Variants in AFG1L observed in about 807,000 individuals in gnomAD.
AFG1L encodes AFG1 like ATPase, also known as AFG1-like ATPase.
A neutral mutation model predicts 62.2 loss-of-function variants in AFG1L; 53 were observed. The observed-to-expected ratio is 0.85, with a 90% CI of 0.68 to 1.07. The LOEUF (loss-of-function observed/expected upper bound fraction) is 1.07, where lower values mean the gene tolerates loss of function less well. Ranked by LOEUF, AFG1L falls within the 50% of genes least tolerant of loss-of-function variation. The pLI is 0.00. For missense variants in AFG1L, 555 were observed against 590.5 expected, an observed-to-expected ratio of 0.94 and a Z score of 0.62; for synonymous variants, 228 against 210.3, an observed-to-expected ratio of 1.08 and a Z score of -0.73.
intron 7 of AFG1L, among the ~76,000 whole-genome samples, chr6:108,443,667 G>A (rs1242419790): frequency 6.6e-6 from 1 of 152,096 alleles, no homozygotes; most frequent in Non-Finnish European, 1.5e-5. Context: ...TTGAGGCCAG[G>A]AGTTCGAGAC....
At chr6:108,426,806 C>T (rs1770834335) in intron 7 of AFG1L, among the ~76,000 whole-genome samples, 1 of 152,044 alleles carries the variant, frequency 6.6e-6, no homozygotes, top group Non-Finnish European at 1.5e-5. Context: ...AAAACTCCCC[C>T]TTCACCACTC....
rs1294481771 is a variant in AFG1L, at chr6:108,388,773, T to G, written c.749-13223T>G. ...GTTATAATTTCTGTTCTTTTACATT[T>G]GCTGAGGAGAGCTTTACTTCCAACT... On this transcript the variant is annotated intron_variant, in intron 6 of 12. Coordinates refer to ENST00000368977, the MANE Select transcript of AFG1L (RefSeq NM_145315.5). Among the ~76,000 whole-genome samples, 6 of 151,920 alleles carry G rather than the reference T, an allele frequency of 3.9e-5. No individual in the cohort carries two copies. The East Asian group carries it at 9.6e-4, about 24-fold the overall frequency.
At chr6:108,422,470 T>A (rs1582562932) in intron 7 of AFG1L, among the ~76,000 whole-genome samples, 1 of 26,496 alleles carries the variant, frequency 3.8e-5, no homozygotes, top group African/African-American at 4.8e-4. Flanking sequence ...TTAAAATTAG[T>A]CCTCAGCAAA....
At chr6:108,359,847 CTCTTT>C in intron 5 of AFG1L, 1 of 152,240 alleles carries the variant, frequency 6.6e-6, no homozygotes, top group Non-Finnish European at 1.5e-5. Context: ...TCAAGTAAAT[CTCTTT>C]TCTTCAGCTG....
intron 7 of AFG1L, among the ~76,000 whole-genome samples, chr6:108,414,099 G>A (rs1449239025): frequency 5.9e-5 from 9 of 152,084 alleles, no homozygotes; most frequent in East Asian, 1.9e-4. Flanking sequence ...CATCACCACC[G>A]ATCCCACAGA....
chr6:108,512,412 G>A (rs1760823715), intron 11 of AFG1L, among the ~76,000 whole-genome samples: 2 of 152,308 alleles, frequency 1.3e-5, no homozygotes, highest in Middle Eastern at 6.8e-3. Flanking sequence ...AGAAGGCTGA[G>A]GACACAGAGC....
rs1337014099 is a variant in AFG1L at position 108,356,698 on chromosome 6, C to A, written c.526C>A (p.Arg176Ser). 1.9e-6 allele frequency: 3 copies of A among 1,601,354 alleles called. No individual in the cohort carries two copies. Among genetic ancestry groups the A allele is most frequent in the African/African-American group, 2.7e-5 (2 of 74,570 alleles). Reference sequence around the variant, plus strand: ...AATTTCATGCATTTAAGGAATACATCGCCTTAAACAGAGTTTGCCAAAAAG... The same window carrying A: ...AATTTCATGCATTTAAGGAATACATAGCCTTAAACAGAGTTTGCCAAAAAG... ...FMLDVHKRIHRLKQSLPKRKP... is the reference protein window; with the variant it reads ...FMLDVHKRIHSLKQSLPKRKP... The change falls in exon 5 of 13, where the codon CGC becomes AGC. Residue 176 changes from arginine (R) to serine (S), a missense_variant. Coordinates refer to ENST00000368977, the MANE Select transcript of AFG1L (RefSeq NM_145315.5).
intron 2 of AFG1L, among the ~76,000 whole-genome samples, chr6:108,337,111 C>T (rs55768587): frequency 0.028 from 4,300 of 152,278 alleles, 90 homozygotes; most frequent in South Asian, 0.055. Context: ...CCTCCTGCCT[C>T]GGCCTCCTGG....
At chr6:108,312,900 G>C (rs771826003) in intron 1 of AFG1L, among the ~76,000 whole-genome samples, 33 of 151,992 alleles carry the variant, frequency 2.2e-4, no homozygotes, top group Admixed American at 7.9e-4. Flanking sequence ...GCTTCCTAAA[G>C]TGCTGGGATT....
intron 7 of AFG1L, among the ~76,000 whole-genome samples, chr6:108,427,517 A>ATTTTT (rs34500468): frequency 9.0e-5 from 9 of 100,222 alleles, no homozygotes; most frequent in Middle Eastern, 6.0e-3. Context: ...TCAAAATGGA[A>ATTTTT]TTTTTTTTTT....
At chr6:108,482,249 A>T (rs1773351419) in intron 10 of AFG1L, among the ~76,000 whole-genome samples, 1 of 152,220 alleles carries the variant, frequency 6.6e-6, no homozygotes, top group Non-Finnish European at 1.5e-5. Context: ...AAAGTGCAGG[A>T]AAGACTAATG....
At chr6:108,462,873 A>C (rs1156933560) in intron 8 of AFG1L, among the ~76,000 whole-genome samples, 1 of 152,200 alleles carries the variant, frequency 6.6e-6, no homozygotes, top group Non-Finnish European at 1.5e-5. Context: ...TTTTCATTGC[A>C]TTATTTCATC....
Position 108,297,264 on chromosome 6 carries a change from C to T in AFG1L, c.139+2046C>T, listed in dbSNP as rs560316615. On this transcript the variant is annotated intron_variant, in intron 1 of 12. Coordinates refer to ENST00000368977, the MANE Select transcript of AFG1L (RefSeq NM_145315.5). ...CTGAGATCACAGGCACCCACCACCA[C>T]GCCTGGCTAGTTTTTGTATTTTTAG... Among the ~76,000 whole-genome samples the T allele has an allele frequency of 2.0e-5, 3 of 152,112 alleles. No individual in the cohort carries two copies. The East Asian group carries it at 5.8e-4, about 30-fold the overall frequency.
At chr6:108,512,699 C>A (rs1774702302) in intron 11 of AFG1L, among the ~76,000 whole-genome samples, 2 of 152,008 alleles carry the variant, frequency 1.3e-5, no homozygotes, top group Admixed American at 6.5e-5. Context: ...CTACCTCACC[C>A]CCACCTTTTC....
chr6:108,468,286 C>T (rs187884030), intron 8 of AFG1L, among the ~76,000 whole-genome samples: 1 of 152,258 alleles, frequency 6.6e-6, no homozygotes, highest in African/African-American at 2.4e-5. Flanking sequence ...TGAAAACTCA[C>T]ATGTCCTAAA....
intron 6 of AFG1L, 81 bp from the exon 7 acceptor site, chr6:108,401,915 A>G: frequency 1.5e-6 from 1 of 658,882 alleles, no homozygotes; most frequent in Non-Finnish European, 2.6e-6. Context: ...ATCAGTAGAA[A>G]GCTTTATTTG....
chr6:108,358,553 A>G (rs1582432251), intron 5 of AFG1L, among the ~76,000 whole-genome samples: 1 of 152,056 alleles, frequency 6.6e-6, no homozygotes, highest in Middle Eastern at 3.4e-3. Context: ...TTTTTTTGAG[A>G]TGGAGTTTCA....
At chr6:108,508,423 C>T (rs1381912941) in intron 10 of AFG1L, among the ~76,000 whole-genome samples, 1 of 152,186 alleles carries the variant, frequency 6.6e-6, no homozygotes, top group African/African-American at 2.4e-5. Context: ...GGCTTTCCAG[C>T]CAGGGAAGGA....
rs1387929391 is a variant in AFG1L, at chr6:108,524,403, G to A, written c.*1978G>A. On this transcript the variant is annotated 3_prime_UTR_variant, in exon 13 of 13. Coordinates refer to ENST00000368977, the MANE Select transcript of AFG1L (RefSeq NM_145315.5). The stretch of plus-strand genomic sequence containing the variant: ...GTATGTAGAAGAGTCCCCCTGTCAA[G>A]TTATGTTATAAAAGTTCATCTGAGG... The A allele has an allele frequency of 6.6e-6, 1 of 152,182 alleles. No homozygotes were observed. Among genetic ancestry groups the A allele is most frequent in the Non-Finnish European group, 1.5e-5 (1 of 68,036 alleles). The allele number at this position is 152,182 out of a possible 1,614,324, so 9.4% of individuals were successfully genotyped here.
Sources: allele counts gnomAD v4.1 joint callset (sites outside exome capture counted in the v4.1 genomes callset), GRCh38; gene constraint gnomAD v4.1.1; transcripts MANE v1.5; gene names NCBI Gene and HGNC (gene_info 2026-07-23, HGNC 2026-07-21).